LAMTOR3: variants seen among roughly 807,000 people sequenced by gnomAD.
LAMTOR3 encodes ragulator complex protein LAMTOR3.
A neutral mutation model predicts 20.3 loss-of-function variants in LAMTOR3; 14 were observed. The ratio of observed to expected loss-of-function variants is 0.69; its 90% CI spans 0.46 to 1.08. The LOEUF (loss-of-function observed/expected upper bound fraction) is 1.08. LAMTOR3 is among the 50% of genes least tolerant of loss of function. The pLI is 0.00. For synonymous variants in LAMTOR3, 40 were observed against 49.4 expected (o/e 0.81, Z 0.80); for missense variants, 125 against 143.7 (o/e 0.87, Z 0.67).
In LAMTOR3 at chr4:99,881,559, A is replaced by G. The variant is rs1724827641; in HGVS notation, c.*435T>C. ...TCCTCACTCAATGCAAAGAAATAAA[A>G]CATAATCTGAAGAAAAATATGTCCT... On this transcript the variant is annotated 3_prime_UTR_variant, in exon 7 of 7. Transcript: ENST00000499666. 1.3e-5 allele frequency: 2 copies of G among 155,968 alleles called. No homozygotes were observed. The highest frequency in any genetic ancestry group is 2.8e-5 in the Non-Finnish European group (2 of 70,590). The allele number at this position is 155,968 out of a possible 1,614,324, so 9.7% of individuals were successfully genotyped here.
chr4:99,892,147 C>G, intron 2 of LAMTOR3, 113 bp from the exon 3 acceptor site: 1 of 1,416,042 alleles, frequency 7.1e-7, no homozygotes, highest in Non-Finnish European at 9.2e-7. Flanking sequence ...ACCTTTCTTG[C>G]TGTGTTTTAT....
At chr4:99,887,781 T>G (rs1456650432) in intron 3 of LAMTOR3, among the ~76,000 whole-genome samples, 1 of 152,232 alleles carries the variant, frequency 6.6e-6, no homozygotes, top group African/African-American at 2.4e-5. Context: ...GCACAATCAT[T>G]GCCTTCACAT....
intron 1 of LAMTOR3, 50 bp from the exon 2 acceptor site, chr4:99,894,050 C>G: frequency 2.5e-6 from 3 of 1,205,350 alleles, no homozygotes; most frequent in Non-Finnish European, 3.5e-6. Context: ...TCCTCGTCCT[C>G]CCCACCCACA....
At chr4:99,888,407 G>A (rs1724966132) in intron 3 of LAMTOR3, among the ~76,000 whole-genome samples, 1 of 152,132 alleles carries the variant, frequency 6.6e-6, no homozygotes, top group Non-Finnish European at 1.5e-5. Context: ...GAATCCCTGG[G>A]AAATTAGCAA....
intron 6 of LAMTOR3, 107 bp downstream of exon 6, chr4:99,883,955 A>C (rs1028193647): frequency 6.4e-5 from 49 of 760,216 alleles, no homozygotes; most frequent in Admixed American, 1.0e-4. Context: ...CCACAAGTTC[A>C]AGATTTTTGG....
chr4:99,893,053 A>T (rs1482131022), intron 2 of LAMTOR3, among the ~76,000 whole-genome samples: 2 of 152,208 alleles, frequency 1.3e-5, no homozygotes, highest in Non-Finnish European at 2.9e-5. Context: ...AGACTAAAGA[A>T]GTAGAAGACT....
intron 5 of LAMTOR3, among the ~76,000 whole-genome samples, chr4:99,885,277 A>G (rs1175728096): frequency 6.6e-6 from 1 of 152,154 alleles, no homozygotes; most frequent in Non-Finnish European, 1.5e-5. Flanking sequence ...CATCTACTGG[A>G]GGTAACAGTG....
intron 4 of LAMTOR3, 88 bp downstream of exon 4, chr4:99,887,208 G>T: frequency 1.3e-6 from 1 of 782,214 alleles, no homozygotes; most frequent in Non-Finnish European, 2.0e-6. Flanking sequence ...TGAATTTTAT[G>T]TTTGCCTGCT....
chr4:99,894,003 G>A lies in LAMTOR3; in HGVS notation c.-37-3C>T, dbSNP rs777378168. On this transcript the variant is annotated splice_polypyrimidine_tract_variant and splice_region_variant and intron_variant, in intron 1 of 6. Transcript: ENST00000499666. ...TCTCGCAGGATCAATCTCCACGCCT[G>A]GAAGAGAAACTCCCGGTGACTCTTC... 2 of 1,515,048 alleles carry A rather than the reference G, an allele frequency of 1.3e-6. No individual in the cohort carries two copies. The highest frequency in any genetic ancestry group is 1.8e-6 in the Non-Finnish European group (2 of 1,124,958). The allele number at this position is 1,515,048 out of a possible 1,614,324, so 93.9% of individuals were successfully genotyped here. A position where few individuals can be genotyped will look rare whatever the true frequency, so the allele number is the denominator to read the frequency against.
Position 99,881,925 on chromosome 4 carries a change from C to T in LAMTOR3, c.*69G>A. On this transcript the variant is annotated 3_prime_UTR_variant, in exon 7 of 7. Transcript: ENST00000499666. ...ACATGGATAAAAGTATTATTGTAGT[C>T]TAAAGATTGCTGGATTGATATTGTG... 1 of 1,094,056 alleles carries T rather than the reference C, an allele frequency of 9.1e-7. No individual in the cohort carries two copies. Among genetic ancestry groups the T allele is most frequent in the Non-Finnish European group, 1.4e-6 (1 of 722,002 alleles). The allele number at this position is 1,094,056 out of a possible 1,614,324, so 67.8% of individuals were successfully genotyped here. A position where few individuals can be genotyped will look rare whatever the true frequency, so the allele number is the denominator to read the frequency against.
In LAMTOR3 at chr4:99,881,162, G is replaced by T. The variant is rs1198131933; in HGVS notation, c.*832C>A. ...GTATATTAATTATGTTTAGATTTTT[G>T]GAAAAAGTCTGAACAAAAAAAGGAC... is the stretch of plus-strand genomic sequence containing the variant. On this transcript the variant is annotated 3_prime_UTR_variant, in exon 7 of 7. Transcript: ENST00000499666. 1 of 151,756 alleles carries T rather than the reference G, an allele frequency of 6.6e-6. No individual in the cohort carries two copies. Among genetic ancestry groups the T allele is most frequent in the East Asian group, 1.9e-4 (1 of 5,184 alleles). 9.4% of individuals were successfully genotyped at this position (151,756 alleles called of 1,614,324 possible).
rs1724832170 is a variant in LAMTOR3 at position 99,881,798 on chromosome 4, G to GAA, written c.*194_*195dup. The GAA allele has an allele frequency of 3.5e-5, 19 of 548,540 alleles. No homozygotes were observed. The South Asian group carries it at 4.2e-4, about 12-fold the overall frequency. The allele number at this position is 548,540 out of a possible 1,614,324, so 34.0% of individuals were successfully genotyped here. On this transcript the variant is annotated 3_prime_UTR_variant, in exon 7 of 7. Transcript: ENST00000499666. ...GGTATCCCTAGATCTCACTAAATAAGAAAGACCCTACACCAGAAAATATAG... is the reference window on the plus strand; with the variant it reads ...GGTATCCCTAGATCTCACTAAATAAGAAAAAGACCCTACACCAGAAAATATAG...
intron 1 of LAMTOR3, 53 bp from the exon 2 acceptor site, chr4:99,894,053 C>T: frequency 1.7e-6 from 2 of 1,176,492 alleles, no homozygotes; most frequent in Non-Finnish European, 2.4e-6. Flanking sequence ...TCGTCCTCCC[C>T]ACCCACAACT....
At chr4:99,891,541 T>C (rs1005544168) in intron 3 of LAMTOR3, among the ~76,000 whole-genome samples, 5 of 152,196 alleles carry the variant, frequency 3.3e-5, no homozygotes, top group Non-Finnish European at 5.9e-5. Flanking sequence ...GCATCTGTTA[T>C]GCAGCTCATG....
At chr4:99,888,165 T>C (rs897680566) in intron 3 of LAMTOR3, among the ~76,000 whole-genome samples, 1 of 152,246 alleles carries the variant, frequency 6.6e-6, no homozygotes, top group Non-Finnish European at 1.5e-5. Flanking sequence ...CTGCCACTTA[T>C]TATTTATGCT....
chr4:99,882,162 A>C, intron 6 of LAMTOR3, 95 bp from the exon 7 acceptor site: 1 of 707,544 alleles, frequency 1.4e-6, no homozygotes, highest in East Asian at 2.9e-5. Flanking sequence ...ATAGTTACCA[A>C]AAGTAAATCA....
intron 5 of LAMTOR3, among the ~76,000 whole-genome samples, chr4:99,884,537 T>C (rs959040904): frequency 3.3e-5 from 5 of 152,202 alleles, no homozygotes; most frequent in African/African-American, 1.2e-4. Context: ...TTAAATTAAA[T>C]TTAAAGTAAC....
At position 99,878,727 on chromosome 4, in the gene LAMTOR3, T is replaced by G. The variant is rs1724759269; in HGVS notation, c.*3267A>C. 6.6e-6 allele frequency: 1 copy of G among 152,242 alleles called. No homozygotes were observed. Among genetic ancestry groups the G allele is most frequent in the African/African-American group, 2.4e-5 (1 of 41,470 alleles). The allele number at this position is 152,242 out of a possible 1,614,324, so 9.4% of individuals were successfully genotyped here. On this transcript the variant is annotated 3_prime_UTR_variant, in exon 7 of 7. Transcript: ENST00000499666. ...AGTACCTAAAGCACTTCTTCATTCC[T>G]TTTTCCATTGGGCAAATTAGTTTCA... is the stretch of plus-strand genomic sequence containing the variant.
At chr4:99,886,621 T>G (rs1460358322) in intron 4 of LAMTOR3, among the ~76,000 whole-genome samples, 1 of 152,220 alleles carries the variant, frequency 6.6e-6, no homozygotes, top group Admixed American at 6.5e-5. Context: ...ACTACATTAG[T>G]TGACTTCTAA....
Sources: gnomAD v4.1 joint callset for allele counts (sites outside exome capture counted in the v4.1 genomes callset) on GRCh38, gnomAD v4.1.1 for gene constraint, MANE v1.5 for transcripts, NCBI Gene and HGNC (gene_info 2026-07-23, HGNC 2026-07-21) for gene names.